SLIT1: variants seen among roughly 807,000 people sequenced by gnomAD.
SLIT1 encodes slit homolog 1 protein.
In SLIT1, 66 loss-of-function variants were observed where a neutral mutation model predicts 186.1. That is an observed-to-expected ratio of 0.35 (90% CI 0.29 to 0.44). The LOEUF is 0.44. Ranked by LOEUF, SLIT1 falls within the 20% of genes least tolerant of loss-of-function variation. SLIT1 has a pLI of 1.00. For synonymous variants in SLIT1, 761 were observed against 833.8 expected, an observed-to-expected ratio of 0.91 and a Z score of 1.50; for missense variants, 1,638 against 2,037.4, an observed-to-expected ratio of 0.80 and a Z score of 3.77.
chr10:97,137,436 G>T (rs1849713381), intron 4 of SLIT1, among the ~76,000 whole-genome samples: 1 of 152,224 alleles, frequency 6.6e-6, no homozygotes, highest in East Asian at 1.9e-4. Context: ...GGATTAAGAT[G>T]CTGGAAATGT....
At chr10:97,141,665 TTGC>T in intron 4 of SLIT1, among the ~76,000 whole-genome samples, 1 of 123,522 alleles carries the variant, frequency 8.1e-6, no homozygotes, top group East Asian at 2.3e-4. Flanking sequence ...TTGTATTGCA[TTGC>T]ATTGTATCGT....
chr10:97,162,188 A>G (rs1850037076), intron 3 of SLIT1, among the ~76,000 whole-genome samples: 1 of 152,064 alleles, frequency 6.6e-6, no homozygotes, highest in Non-Finnish European at 1.5e-5. Context: ...TACTATTGTC[A>G]TTTTTTATCT....
intron 4 of SLIT1, among the ~76,000 whole-genome samples, chr10:97,108,347 G>A (rs1314886323): frequency 6.6e-6 from 1 of 152,302 alleles, no homozygotes; most frequent in Non-Finnish European, 1.5e-5. Context: ...TGTGAAAAAA[G>A]GAGAGTAACA....
rs1452277807 is a variant in SLIT1 at position 97,004,695 on chromosome 10, G to A, written c.3708C>T (p.Tyr1236=). 2 of 1,614,118 alleles carry A rather than the reference G, an allele frequency of 1.2e-6. No individual in the cohort carries two copies. Among genetic ancestry groups the A allele is most frequent in the Non-Finnish European group, 1.7e-6 (2 of 1,179,992 alleles). Reference sequence around the variant, plus strand: ...TGGGGGGCATAAGGAAGCCCTACCTGTAGATGGCAGAGCTGGGGTAGCTGC... The same window carrying A: ...TGGGGGGCATAAGGAAGCCCTACCTATAGATGGCAGAGCTGGGGTAGCTGC... The part of the protein sequence containing the change: ...DPGSYPSSAI[Y]SAETINDGQF... Residue 1236 remains tyrosine, a splice_region_variant and synonymous_variant, in exon 33 of 37, where the codon TAC becomes TAT. Coordinates refer to ENST00000266058, the MANE Select transcript of SLIT1 (RefSeq NM_003061.3). The surrounding 1 kb of genome is among the most constrained non-coding windows in gnomAD (Gnocchi z 5.1).
At chr10:97,040,221 C>T in intron 20 of SLIT1, 101 bp from the exon 21 acceptor site, 3 of 1,246,960 alleles carry the variant, frequency 2.4e-6, no homozygotes, top group East Asian at 5.8e-5. Flanking sequence ...GAACAGAAGA[C>T]CCCTCTGACA....
chr10:97,130,541 G>T (rs1849643458), intron 4 of SLIT1, among the ~76,000 whole-genome samples: 2 of 152,176 alleles, frequency 1.3e-5, no homozygotes, highest in South Asian at 4.1e-4. Flanking sequence ...CTTATCCAAG[G>T]TACCCAGCAC....
chr10:97,180,752 C>T (rs562680941), intron 1 of SLIT1, among the ~76,000 whole-genome samples: 1 of 152,318 alleles, frequency 6.6e-6, no homozygotes, highest in East Asian at 1.9e-4. Context: ...AATGAGCGCT[C>T]TAAACAGACA....
chr10:97,103,982 T>A (rs1849387676), intron 4 of SLIT1, among the ~76,000 whole-genome samples: 1 of 152,156 alleles, frequency 6.6e-6, no homozygotes, highest in South Asian at 2.1e-4. Context: ...AGCACCCCTG[T>A]GCATCAGGTG....
intron 1 of SLIT1, among the ~76,000 whole-genome samples, chr10:97,175,511 A>G (rs979368922): frequency 1.3e-5 from 2 of 152,106 alleles, no homozygotes; most frequent in African/African-American, 4.8e-5. Context: ...ATCCCCACCA[A>G]CAGCGTGCAC....
chr10:97,014,055 C>T lies in SLIT1; in HGVS notation c.3073G>A (p.Gly1025Ser). The T allele has an allele frequency of 6.2e-7, 1 of 1,613,714 alleles. No individual in the cohort carries two copies. The highest frequency in any genetic ancestry group is 8.5e-7 in the Non-Finnish European group (1 of 1,179,988). ...ANGGVCVDGVGNYTCQCPLQY... is the reference protein window; with the variant it reads ...ANGGVCVDGVSNYTCQCPLQY... ...AGGGGGCACTGGCAGGTGTAGTTGCCCACACCATCCACACAGACGCCCCCA... is the reference window on the plus strand; with the variant it reads ...AGGGGGCACTGGCAGGTGTAGTTGCTCACACCATCCACACAGACGCCCCCA... The change falls in exon 29 of 37, where the codon GGC (glycine) becomes AGC (serine). Residue 1025 changes from glycine (G) to serine (S), a missense_variant. Transcript: ENST00000266058.
intron 21 of SLIT1, among the ~76,000 whole-genome samples, chr10:97,039,560 A>T (rs1420307541): frequency 2.9e-5 from 4 of 138,126 alleles, no homozygotes; most frequent in Non-Finnish European, 4.9e-5. Flanking sequence ...TTATGACAGT[A>T]AAAAAAAATT....
chr10:97,030,555 A>G (rs1462719505), intron 25 of SLIT1, among the ~76,000 whole-genome samples: 1 of 152,218 alleles, frequency 6.6e-6, no homozygotes, highest in Non-Finnish European at 1.5e-5. Context: ...ACCGCTTGCG[A>G]GGAACTGTTC....
chr10:97,043,413 C>A lies in SLIT1; in HGVS notation c.1954G>T (p.Val652Leu). Residue 652 changes from valine (V) to leucine (L), a missense_variant, in exon 19 of 37, where the codon GTA becomes TTA. Physicochemically the swap from Val to Leu is conservative, Grantham distance 32. This residue lies in a region of SLIT1 where 1,245 missense variants were observed against 1,535.3 expected (regional missense o/e 0.81). Coordinates refer to ENST00000266058, the MANE Select transcript of SLIT1 (RefSeq NM_003061.3). This position sits in a 1 kb window ranked among gnomAD's most constrained non-coding sequence, Gnocchi z 7.0. ...AGGGTGTCGAAGGCTCCTGGGGATA[C>A]GGTGGTGATCTGGTTGTCGTAGAGC... The part of the protein sequence containing the change: ...LSLYDNQITT[V>L]SPGAFDTLQS... 6.2e-7 allele frequency: 1 copy of A among 1,613,894 alleles called. No individual in the cohort carries two copies. Among genetic ancestry groups the A allele is most frequent in the East Asian group, 2.2e-5 (1 of 44,880 alleles).
intron 23 of SLIT1, among the ~76,000 whole-genome samples, chr10:97,031,983 G>T (rs982165698): frequency 1.3e-5 from 2 of 152,258 alleles, no homozygotes; most frequent in African/African-American, 4.8e-5. Flanking sequence ...CATCATGCCT[G>T]ACTCCAATAA....
intron 21 of SLIT1, among the ~76,000 whole-genome samples, chr10:97,039,679 G>A (rs1397600420): frequency 6.6e-6 from 1 of 152,266 alleles, no homozygotes; most frequent in African/African-American, 2.4e-5. Context: ...TCATGACACA[G>A]GAGCCTGAGA....
chr10:97,034,329 A>T, intron 23 of SLIT1, 142 bp downstream of exon 23: 1 of 697,946 alleles, frequency 1.4e-6, no homozygotes, highest in Non-Finnish European at 2.6e-6. Flanking sequence ...AAAGTCTTTT[A>T]GGCTCTCAGG....
chr10:97,115,619 C>T (rs925446645), intron 4 of SLIT1, among the ~76,000 whole-genome samples: 1 of 152,040 alleles, frequency 6.6e-6, no homozygotes, highest in Non-Finnish European at 1.5e-5. Flanking sequence ...GAGCCCTGGG[C>T]ATCCTGACCC....
At chr10:97,081,262 G>A (rs1849102160) in intron 4 of SLIT1, among the ~76,000 whole-genome samples, 1 of 152,218 alleles carries the variant, frequency 6.6e-6, no homozygotes, top group Non-Finnish European at 1.5e-5. Flanking sequence ...TCTGCTCAGA[G>A]AAGTGACCAG....
chr10:97,108,039 C>A (rs369545016), intron 4 of SLIT1, among the ~76,000 whole-genome samples: 1 of 152,216 alleles, frequency 6.6e-6, no homozygotes, highest in East Asian at 1.9e-4. Flanking sequence ...TTCCCTGCCC[C>A]GGGGTGTCTG....
Sources: gnomAD v4.1 joint callset for allele counts (sites outside exome capture counted in the v4.1 genomes callset) on GRCh38, gnomAD v4.1.1 for gene constraint, gnomAD v4.1.1 regional missense constraint, Gnocchi (gnomAD v3.1) non-coding constraint, MANE v1.5 for transcripts, NCBI Gene and HGNC (gene_info 2026-07-23, HGNC 2026-07-21) for gene names.